The following MYH9 variants were observed in gnomAD, a reference collection of about 807,000 sequenced individuals.
MYH9 encodes myosin-9.
In MYH9, 29 loss-of-function variants were observed where a neutral mutation model predicts 241.9. The observed-to-expected ratio is 0.12, with a 90% CI of 0.09 to 0.16. The LOEUF (loss-of-function observed/expected upper bound fraction) is 0.16, where lower values mean the gene tolerates loss of function less well. Among genes scored for constraint, MYH9 ranks in the 10% least tolerant of loss-of-function variants. The pLI is 1.00. For missense variants in MYH9, 1,803 were observed against 2,595.5 expected, an observed-to-expected ratio of 0.69 and a Z score of 6.63; for synonymous variants, 1,047 against 1,062.6, an observed-to-expected ratio of 0.99 and a Z score of 0.29.
At chr22:36,375,955 C>CTTTTTTTTTTTTT in intron 1 of MYH9, among the ~76,000 whole-genome samples, 1 of 89,106 alleles carries the variant, frequency 1.1e-5, no homozygotes, top group Non-Finnish European at 2.1e-5. Flanking sequence ...TCAATAATTT[C>CTTTTTTTTTTTTT]TTTTTTTTTT....
rs972344189 is a variant in MYH9, at chr22:36,321,857, C to T, written c.706-36G>A. Reference sequence around the variant, plus strand: ...AAGGATAGCAAGAGATCAGAGGTGCCCCTGACATGGGGAGCTAGAGAGCAC... The same window carrying T: ...AAGGATAGCAAGAGATCAGAGGTGCTCCTGACATGGGGAGCTAGAGAGCAC... On this transcript the variant is annotated intron_variant, in intron 6 of 40. Coordinates refer to ENST00000216181, the MANE Select transcript of MYH9 (RefSeq NM_002473.6). 2.5e-6 allele frequency: 4 copies of T among 1,585,912 alleles called. No homozygotes were observed. The Admixed American group carries it at 5.0e-5, about 20-fold the overall frequency.
In MYH9 at chr22:36,282,583, G is replaced by GT. The variant is rs1167335005; in HGVS notation, c.*84dup. 4.1e-6 allele frequency: 5 copies of GT among 1,226,732 alleles called. No homozygotes were observed. In the African/African-American group the frequency reaches 7.4e-5, roughly 18 times the overall value. The allele number at this position is 1,226,732 out of a possible 1,614,324, so 76.0% of individuals were successfully genotyped here. On this transcript the variant is annotated 3_prime_UTR_variant, in exon 41 of 41. Coordinates refer to ENST00000216181, the MANE Select transcript of MYH9 (RefSeq NM_002473.6). The stretch of plus-strand genomic sequence containing the variant: ...GCATGTTCACAGCAGTCCCAAGAAG[G>GT]TGGGGAGAGGCGTGCTGCGGGGTCT...
At chr22:36,316,367 A>G in intron 12 of MYH9, 150 bp downstream of exon 12, 2 of 1,139,206 alleles carry the variant, frequency 1.8e-6, no homozygotes, top group Non-Finnish European at 1.3e-6. Context: ...AAAAAAAAAA[A>G]ACAACCCCAC....
In MYH9 at chr22:36,306,225, C is replaced by T. The variant is rs2016967482; in HGVS notation, c.2038-174G>A. On this transcript the variant is annotated intron_variant, in intron 16 of 40. Transcript: ENST00000216181. This position sits in a 1 kb window ranked among gnomAD's most constrained non-coding sequence, Gnocchi z 4.1. ...CCAGGTCTGGGAGGGGCCAATGCCA[C>T]CAAGAGGAAGTGCAGGCTGTGAATG... Among the ~76,000 whole-genome samples, 1 of 152,174 alleles carries T rather than the reference C, an allele frequency of 6.6e-6. No individual in the cohort carries two copies. Among genetic ancestry groups the T allele is most frequent in the South Asian group, 2.1e-4 (1 of 4,822 alleles).
chr22:36,289,009 C>T (rs2016639572), intron 32 of MYH9, 70 bp from the exon 33 acceptor site: 1 of 1,612,636 alleles, frequency 6.2e-7, no homozygotes, highest in South Asian at 1.1e-5. Flanking sequence ...GACCCGGAGT[C>T]TGTGCACACA....
Position 36,369,782 on chromosome 22 carries a change from T to C in MYH9, c.-20+18025A>G, listed in dbSNP as rs1221293054. On this transcript the variant is annotated intron_variant, in intron 1 of 40. Coordinates refer to ENST00000216181, the MANE Select transcript of MYH9 (RefSeq NM_002473.6). The stretch of plus-strand genomic sequence containing the variant: ...GAGAAGGCAGGAGAGGCGATGGAAG[T>C]AGATATGGAAAATAACTGGCCTGAA... Among the ~76,000 whole-genome samples the C allele has an allele frequency of 2.6e-5, 4 of 152,192 alleles. No homozygotes were observed. In the East Asian group the frequency reaches 7.7e-4, roughly 29 times the overall value.
intron 15 of MYH9, chr22:36,308,721 G>GT: frequency 1.3e-6 from 1 of 763,770 alleles, no homozygotes; most frequent in Non-Finnish European, 1.6e-6. Flanking sequence ...GGCAAGGGGG[G>GT]GCGCGAGAAA....
At chr22:36,375,229 G>A (rs1603484601) in intron 1 of MYH9, among the ~76,000 whole-genome samples, 1 of 152,334 alleles carries the variant, frequency 6.6e-6, no homozygotes, top group East Asian at 1.9e-4. Flanking sequence ...TAGGCAACAT[G>A]ATGGCAGGTT....
chr22:36,286,058 TC>T, intron 35 of MYH9, 105 bp from the exon 36 acceptor site: 2 of 1,248,178 alleles, frequency 1.6e-6, no homozygotes, highest in Non-Finnish European at 1.1e-6. Flanking sequence ...CAGGCCCACC[TC>T]CCCACGAAGC....
chr22:36,367,110 A>G (rs1375620644), intron 1 of MYH9, among the ~76,000 whole-genome samples: 3 of 152,182 alleles, frequency 2.0e-5, no homozygotes, highest in African/African-American at 7.2e-5. Flanking sequence ...CACAAGCTCA[A>G]AGGTAATGGG....
intron 2 of MYH9, among the ~76,000 whole-genome samples, chr22:36,344,609 AG>A (rs2017647151): frequency 1.3e-5 from 2 of 152,230 alleles, no homozygotes; most frequent in Non-Finnish European, 2.9e-5. Flanking sequence ...GAGAGGCAGG[AG>A]GAACTGCACA....
chr22:36,299,776 G>A (rs1013185974), intron 23 of MYH9, among the ~76,000 whole-genome samples: 3 of 152,128 alleles, frequency 2.0e-5, no homozygotes, highest in Admixed American at 6.5e-5. Flanking sequence ...AGAGTACCCC[G>A]TATCTCAACA....
At chr22:36,336,908 CA>C (rs1422432879) in intron 3 of MYH9, among the ~76,000 whole-genome samples, 1 of 152,218 alleles carries the variant, frequency 6.6e-6, no homozygotes, top group African/African-American at 2.4e-5. Context: ...AGGATAATGT[CA>C]AAACCTCCTG....
intron 3 of MYH9, among the ~76,000 whole-genome samples, chr22:36,333,165 C>G (rs550104210): frequency 9.8e-4 from 149 of 152,356 alleles, no homozygotes; most frequent in Non-Finnish European, 1.7e-3. Context: ...CCTGTTGGAG[C>G]ACAAACAGGC....
intron 3 of MYH9, 51 bp from the exon 4 acceptor site, chr22:36,327,539 C>G: frequency 6.2e-7 from 1 of 1,609,142 alleles, no homozygotes; most frequent in Non-Finnish European, 8.5e-7. Context: ...AAAAGCCTCC[C>G]CACCTTGCTC....
chr22:36,282,582 G>A lies in MYH9; in HGVS notation c.*86C>T. On this transcript the variant is annotated 3_prime_UTR_variant, in exon 41 of 41. Coordinates refer to ENST00000216181, the MANE Select transcript of MYH9 (RefSeq NM_002473.6). The stretch of plus-strand genomic sequence containing the variant: ...GGCATGTTCACAGCAGTCCCAAGAA[G>A]GTGGGGAGAGGCGTGCTGCGGGGTC... 2 of 1,215,328 alleles carry A rather than the reference G, an allele frequency of 1.6e-6. No individual in the cohort carries two copies. Among genetic ancestry groups the A allele is most frequent in the East Asian group, 2.3e-5 (1 of 43,154 alleles). 75.3% of individuals were successfully genotyped at this position (1,215,328 alleles called of 1,614,324 possible). A position where few individuals can be genotyped will look rare whatever the true frequency, so the allele number is the denominator to read the frequency against.
chr22:36,305,837 G>A lies in MYH9; in HGVS notation c.2159+93C>T, dbSNP rs575926450. 7.4e-5 allele frequency: 117 copies of A among 1,575,928 alleles called. 1 individual carries two copies. Among genetic ancestry groups the A allele is most frequent in the Admixed American group, 1.2e-4 (7 of 59,758 alleles). ...TGGATGGAGGACGTCGCTCCCTCAC[G>A]ACAGGATCCTGCCAGGGAGCAGCAG... On this transcript the variant is annotated intron_variant, in intron 17 of 40. Coordinates refer to ENST00000216181, the MANE Select transcript of MYH9 (RefSeq NM_002473.6). The surrounding 1 kb of genome is among the most constrained non-coding windows in gnomAD (Gnocchi z 4.7).
rs542881326 is a variant in MYH9, at chr22:36,300,589, G to A, written c.2838+262C>T. On this transcript the variant is annotated intron_variant, in intron 22 of 40. Coordinates refer to ENST00000216181, the MANE Select transcript of MYH9 (RefSeq NM_002473.6). The surrounding 1 kb of genome is among the most constrained non-coding windows in gnomAD (Gnocchi z 5.0). ...AGAGGTGCTGGCCCTGTGCCCCTTCGGCTAGCCAGGGCCAGGGCTAATGGC... is the reference window on the plus strand; with the variant it reads ...AGAGGTGCTGGCCCTGTGCCCCTTCAGCTAGCCAGGGCCAGGGCTAATGGC... 2.0e-5 allele frequency among the ~76,000 whole-genome samples: 3 copies of A among 152,268 alleles called. No homozygotes were observed. The highest frequency in any genetic ancestry group is 3.9e-4 in the East Asian group (2 of 5,172).
intron 1 of MYH9, among the ~76,000 whole-genome samples, chr22:36,353,728 T>TC (rs1420743245): frequency 6.6e-6 from 1 of 151,108 alleles, no homozygotes; most frequent in African/African-American, 2.4e-5. Context: ...ATTCCTGAAC[T>TC]CCCCCCACCG....
Sources: allele counts gnomAD v4.1 joint callset (sites outside exome capture counted in the v4.1 genomes callset), GRCh38; gene constraint gnomAD v4.1.1; non-coding constraint Gnocchi (gnomAD v3.1); transcripts MANE v1.5; gene names NCBI Gene and HGNC (gene_info 2026-07-23, HGNC 2026-07-21).